The following SNAP91 variants were observed in gnomAD, a reference collection of about 807,000 sequenced individuals.
SNAP91 encodes clathrin coat assembly protein AP180.
A neutral mutation model predicts 100.3 loss-of-function variants in SNAP91; 27 were observed. The ratio of observed to expected loss-of-function variants is 0.27; its 90% CI spans 0.20 to 0.37. The LOEUF is 0.37. Ranked by LOEUF, SNAP91 falls within the 10% of genes least tolerant of loss-of-function variation. SNAP91 has a pLI of 1.00. For missense variants in SNAP91, 986 were observed against 1,123.7 expected (o/e 0.88, Z 1.75); for synonymous variants, 404 against 398.6 (o/e 1.01, Z -0.16).
At chr6:83,610,595 G>A (rs1285233890) in intron 12 of SNAP91, 55 bp downstream of exon 12, 37 of 567,646 alleles carry the variant, frequency 6.5e-5, no homozygotes, top group Non-Finnish European at 1.1e-4. Context: ...ACTTTATGAT[G>A]GTAAAATGGT....
intron 22 of SNAP91, among the ~76,000 whole-genome samples, chr6:83,587,889 T>C (rs1039982946): frequency 3.9e-5 from 6 of 152,200 alleles, no homozygotes; most frequent in African/African-American, 1.4e-4. Context: ...TGAACAAGCG[T>C]GAGAAATATT....
chr6:83,660,593 T>C (rs997586535), intron 5 of SNAP91, among the ~76,000 whole-genome samples: 1 of 152,208 alleles, frequency 6.6e-6, no homozygotes, highest in Middle Eastern at 3.2e-3. Flanking sequence ...ATGGTAATTA[T>C]AGATAAAATT....
At chr6:83,674,612 C>T (rs1045444985) in intron 2 of SNAP91, among the ~76,000 whole-genome samples, 1 of 152,118 alleles carries the variant, frequency 6.6e-6, no homozygotes, top group African/African-American at 2.4e-5. Context: ...TATCTTACTG[C>T]TCCTCAAAAT....
intron 11 of SNAP91, among the ~76,000 whole-genome samples, 168 bp from the exon 12 acceptor site, chr6:83,610,845 G>A (rs1293486617): frequency 1.3e-5 from 2 of 148,900 alleles, no homozygotes; most frequent in Non-Finnish European, 1.5e-5. Context: ...ATAATGGACA[G>A]GCTATTTTTA....
rs1424598029 is a variant in SNAP91, at chr6:83,708,867, C to T, written c.-53G>A. On this transcript the variant is annotated 5_prime_UTR_variant, in exon 1 of 30. Coordinates refer to ENST00000369694, the MANE Select transcript of SNAP91 (RefSeq NM_001242792.2). Reference sequence around the variant, plus strand: ...CACCCCGCCCCTGAGCGGCGCCGCCCGCCGCAGGATGAGCGGAGCCCGGGC... The same window carrying T: ...CACCCCGCCCCTGAGCGGCGCCGCCTGCCGCAGGATGAGCGGAGCCCGGGC... The T allele has an allele frequency of 6.6e-6, 1 of 152,122 alleles. No homozygotes were observed. The highest frequency in any genetic ancestry group is 2.4e-5 in the African/African-American group (1 of 41,438). 9.4% of individuals were successfully genotyped at this position (152,122 alleles called of 1,614,324 possible).
chr6:83,588,949 T>C (rs1007821372), intron 22 of SNAP91, among the ~76,000 whole-genome samples: 3 of 152,092 alleles, frequency 2.0e-5, no homozygotes, highest in Non-Finnish European at 2.9e-5. Context: ...TTGAGATCTG[T>C]GGCAGGGGAT....
At chr6:83,608,137 CA>C (rs2095759839) in intron 12 of SNAP91, among the ~76,000 whole-genome samples, 2 of 152,084 alleles carry the variant, frequency 1.3e-5, no homozygotes, top group Admixed American at 1.3e-4. Context: ...TTACTAGCTG[CA>C]AAAAATTTCA....
intron 8 of SNAP91, among the ~76,000 whole-genome samples, chr6:83,638,173 T>A (rs2097540387): frequency 6.6e-6 from 1 of 152,166 alleles, no homozygotes; most frequent in Middle Eastern, 3.2e-3. Flanking sequence ...GCAGCTGGCA[T>A]GTGGTGGCTC....
chr6:83,583,133 C>CG (rs1451659609), intron 22 of SNAP91, among the ~76,000 whole-genome samples: 2 of 152,194 alleles, frequency 1.3e-5, no homozygotes, highest in Non-Finnish European at 2.9e-5. Context: ...CTCGCAGTGT[C>CG]AGATGCCTGC....
intron 11 of SNAP91, 23 bp from the exon 12 acceptor site, chr6:83,610,700 A>T: frequency 4.3e-6 from 2 of 469,188 alleles, no homozygotes; most frequent in East Asian, 3.5e-5. Context: ...ATAAAAAAAA[A>T]TTAAAACTGA....
intron 8 of SNAP91, among the ~76,000 whole-genome samples, chr6:83,625,236 C>G (rs1269692816): frequency 6.6e-6 from 1 of 152,110 alleles, no homozygotes; most frequent in African/African-American, 2.4e-5. Flanking sequence ...TTTTTTATGG[C>G]TGCATAGTAT....
intron 20 of SNAP91, 139 bp from the exon 21 acceptor site, chr6:83,592,677 A>G: frequency 1.4e-6 from 1 of 736,654 alleles, no homozygotes. Context: ...GTTAAGGAAA[A>G]GCAAACGGGT....
chr6:83,615,558 A>G (rs1226377159), intron 10 of SNAP91, among the ~76,000 whole-genome samples: 1 of 152,128 alleles, frequency 6.6e-6, no homozygotes, highest in Non-Finnish European at 1.5e-5. Context: ...TCTCATGTCA[A>G]GTCTGATCAT....
intron 2 of SNAP91, among the ~76,000 whole-genome samples, chr6:83,698,648 GA>G (rs1201544754): frequency 2.0e-5 from 3 of 152,062 alleles, no homozygotes; most frequent in African/African-American, 4.8e-5. Context: ...GTAGATAAGG[GA>G]AAAAAATATC....
intron 2 of SNAP91, among the ~76,000 whole-genome samples, 167 bp downstream of exon 2, chr6:83,707,631 G>A (rs1250054715): frequency 6.6e-6 from 1 of 151,730 alleles, no homozygotes; most frequent in African/African-American, 2.4e-5. Flanking sequence ...AAGGTTTCAT[G>A]GCTAACCCAA....
chr6:83,584,432 A>G (rs2091943889), intron 22 of SNAP91, among the ~76,000 whole-genome samples: 1 of 152,168 alleles, frequency 6.6e-6, no homozygotes, highest in Non-Finnish European at 1.5e-5. Context: ...GCATTTACCT[A>G]GGACACTCTG....
At chr6:83,600,694 G>C (rs979447311) in intron 16 of SNAP91, among the ~76,000 whole-genome samples, 1 of 152,182 alleles carries the variant, frequency 6.6e-6, no homozygotes, top group African/African-American at 2.4e-5. Flanking sequence ...TGCTGCTTCA[G>C]ATGTTTTCTC....
intron 28 of SNAP91, among the ~76,000 whole-genome samples, chr6:83,559,019 C>T (rs963676737): frequency 4.6e-5 from 7 of 152,314 alleles, no homozygotes; most frequent in Middle Eastern, 3.4e-3. Context: ...AGGAATTTAG[C>T]TTTACCTAAA....
At chr6:83,602,096 C>T (rs2095288388) in intron 14 of SNAP91, among the ~76,000 whole-genome samples, 1 of 152,088 alleles carries the variant, frequency 6.6e-6, no homozygotes, top group Admixed American at 6.6e-5. Flanking sequence ...ATTTGTGCTT[C>T]TGCAACATGA....
Sources: gnomAD v4.1 joint callset for allele counts (sites outside exome capture counted in the v4.1 genomes callset) on GRCh38, gnomAD v4.1.1 for gene constraint, MANE v1.5 for transcripts, NCBI Gene and HGNC (gene_info 2026-07-23, HGNC 2026-07-21) for gene names.